The following IL1RAPL1 variants were observed in gnomAD, a reference collection of about 807,000 sequenced individuals.
IL1RAPL1 encodes the protein interleukin 1 receptor accessory protein like 1.
A neutral mutation model predicts 48.4 loss-of-function variants in IL1RAPL1; 3 were observed. That is an observed-to-expected ratio of 0.06 (90% CI 0.03 to 0.16). The LOEUF (loss-of-function observed/expected upper bound fraction) is 0.16, where lower values mean the gene tolerates loss of function less well. Ranked by LOEUF, IL1RAPL1 falls within the 10% of genes least tolerant of loss-of-function variation. The pLI is 1.00. For missense variants in IL1RAPL1, 349 were observed against 530.6 expected (o/e 0.66, Z 3.36); for synonymous variants, 185 against 187.7 (o/e 0.99, Z 0.12).
At chrX:29,878,084 G>C in intron 6 of IL1RAPL1, among the ~76,000 whole-genome samples, 1 of 111,853 alleles carries the variant, frequency 8.9e-6, no homozygotes, top group Non-Finnish European at 1.9e-5. Context: ...TGTAATCATT[G>C]GTCAAGTTTG....
At chrX:29,402,986 G>A (rs991258312) in intron 5 of IL1RAPL1, among the ~76,000 whole-genome samples, 1 of 111,364 alleles carries the variant, frequency 9.0e-6, no homozygotes, top group African/African-American at 3.3e-5. Context: ...CTGAGGTAGT[G>A]TTAGGTAGGT....
At chrX:28,763,011 C>G (rs929779874) in intron 1 of IL1RAPL1, among the ~76,000 whole-genome samples, 1 of 111,282 alleles carries the variant, frequency 9.0e-6, no homozygotes, top group African/African-American at 3.3e-5. Flanking sequence ...AACATTGACA[C>G]AAATAACTCC....
At chrX:28,799,601 G>T (rs1234470227) in intron 2 of IL1RAPL1, among the ~76,000 whole-genome samples, 3 of 112,099 alleles carry the variant, frequency 2.7e-5, no homozygotes, top group Non-Finnish European at 5.6e-5. Context: ...CATGAAAATG[G>T]CATGGTCAAA....
intron 2 of IL1RAPL1, among the ~76,000 whole-genome samples, chrX:29,121,994 G>T (rs1302145140): frequency 9.0e-6 from 1 of 111,459 alleles, no homozygotes; most frequent in Admixed American, 9.6e-5. Context: ...AGATGGAGGG[G>T]TTGGTCACCA....
rs772029231 is a variant in IL1RAPL1 at position 28,731,182 on chromosome X, G to A, written c.-24-58138G>A. Among the ~76,000 whole-genome samples the A allele has an allele frequency of 1.6e-4, 18 of 111,400 alleles. No homozygotes were observed. In the South Asian group the frequency reaches 6.8e-3, roughly 42 times the overall value. ...ACTCTTTTAAAAGAATATCTGTCACGTTCATTTGTCCTTTTTTCATTTTGA... is the reference window on the plus strand; with the variant it reads ...ACTCTTTTAAAAGAATATCTGTCACATTCATTTGTCCTTTTTTCATTTTGA... On this transcript the variant is annotated intron_variant, in intron 1 of 10. Coordinates refer to ENST00000378993, the MANE Select transcript of IL1RAPL1 (RefSeq NM_014271.4).
At chrX:29,215,902 C>A (rs984186280) in intron 2 of IL1RAPL1, among the ~76,000 whole-genome samples, 1 of 111,030 alleles carries the variant, frequency 9.0e-6, no homozygotes, top group African/African-American at 3.3e-5. Flanking sequence ...CCCCCAATCT[C>A]CTGAAAGTTT....
At chrX:29,410,621 A>G (rs1934132320) in intron 5 of IL1RAPL1, among the ~76,000 whole-genome samples, 1 of 111,750 alleles carries the variant, frequency 8.9e-6, no homozygotes, top group Non-Finnish European at 1.9e-5. Context: ...AGTCAATTAG[A>G]CCTCCATTTG....
At chrX:29,801,038 T>C (rs889816669) in intron 6 of IL1RAPL1, among the ~76,000 whole-genome samples, 1 of 1,248 alleles carries the variant, frequency 8.0e-4, no homozygotes, top group Non-Finnish European at 2.1e-3. Context: ...AAAAAAACTC[T>C]CCGTCTCAAA....
chrX:28,629,422 C>T (rs1934375866), intron 1 of IL1RAPL1, among the ~76,000 whole-genome samples: 1 of 111,649 alleles, frequency 9.0e-6, no homozygotes, highest in African/African-American at 3.3e-5. Context: ...ACTGGGGGAC[C>T]TTACTATGTG....
At position 28,638,252 on chromosome X, in the gene IL1RAPL1, G is replaced by A. The variant is rs193224161; in HGVS notation, c.-25+50205G>A. Among the ~76,000 whole-genome samples the A allele has an allele frequency of 6.0e-3, 665 of 111,520 alleles. 5 individuals are homozygous for A. The highest frequency in any genetic ancestry group is 9.0e-3 in the Non-Finnish European group (478 of 53,043). On this transcript the variant is annotated intron_variant, in intron 1 of 10. Coordinates refer to ENST00000378993, the MANE Select transcript of IL1RAPL1 (RefSeq NM_014271.4). ...TGCCTAGTCCAGAATTAAGGACCTG[G>A]AATAGGCTAAACAAGAAAATACAGG...
At chrX:29,498,610 T>C (rs1412057018) in intron 5 of IL1RAPL1, among the ~76,000 whole-genome samples, 2 of 111,584 alleles carry the variant, frequency 1.8e-5, no homozygotes, top group African/African-American at 6.5e-5. Context: ...TCTCTTTAGT[T>C]TTCATCATTT....
intron 2 of IL1RAPL1, among the ~76,000 whole-genome samples, chrX:29,148,154 TATAC>T (rs1929386999): frequency 1.8e-5 from 2 of 112,128 alleles, no homozygotes; most frequent in African/African-American, 6.5e-5. Context: ...TACAGTCATA[TATAC>T]ATACATATAT....
chrX:29,099,256 C>T (rs768740796), intron 2 of IL1RAPL1, among the ~76,000 whole-genome samples: 9 of 111,785 alleles, frequency 8.1e-5, no homozygotes, highest in Non-Finnish European at 1.3e-4. Context: ...TACGATTTAT[C>T]ACATGTATAC....
chrX:29,655,651 C>CAAAAAAAAAA (rs746998144), intron 5 of IL1RAPL1, among the ~76,000 whole-genome samples: 1 of 26,753 alleles, frequency 3.7e-5, no homozygotes, highest in Admixed American at 5.9e-4. Context: ...TGACAGTCTC[C>CAAAAAAAAAA]AAAAAAAAAA....
chrX:29,558,000 G>C (rs914198831), intron 5 of IL1RAPL1, among the ~76,000 whole-genome samples: 3 of 111,540 alleles, frequency 2.7e-5, no homozygotes, highest in Non-Finnish European at 5.7e-5. Flanking sequence ...ATGAACATGG[G>C]AGTGCAGATA....
chrX:28,589,898 T>C (rs1053523130), intron 1 of IL1RAPL1, among the ~76,000 whole-genome samples: 1 of 111,592 alleles, frequency 9.0e-6, no homozygotes, highest in South Asian at 3.8e-4. Flanking sequence ...AAATTACAAA[T>C]TAAATGGCAC....
intron 2 of IL1RAPL1, among the ~76,000 whole-genome samples, chrX:28,968,202 C>T (rs1924967793): frequency 9.0e-6 from 1 of 111,294 alleles, no homozygotes; most frequent in Non-Finnish European, 1.9e-5. Context: ...TTTGGGTATA[C>T]TTAGATTACT....
chrX:28,891,599 C>A (rs1922771346), intron 2 of IL1RAPL1, among the ~76,000 whole-genome samples: 1 of 112,109 alleles, frequency 8.9e-6, no homozygotes. Flanking sequence ...ACACTATAAT[C>A]CAAAGTACTT....
At position 29,263,252 on chromosome X, in the gene IL1RAPL1, G is replaced by C. The variant is rs777557569; in HGVS notation, c.83-19686G>C. ...ATGTGGAAAGCAGGCAGTAAAGAAA[G>C]AATGAAGGACTGATTATTGGACATT... On this transcript the variant is annotated intron_variant, in intron 2 of 10. Coordinates refer to ENST00000378993, the MANE Select transcript of IL1RAPL1 (RefSeq NM_014271.4). 2.7e-5 allele frequency among the ~76,000 whole-genome samples: 3 copies of C among 111,954 alleles called. No homozygotes were observed. The South Asian group carries it at 1.1e-3, about 41-fold the overall frequency.
Sources: allele counts gnomAD v4.1 joint callset (sites outside exome capture counted in the v4.1 genomes callset), GRCh38; gene constraint gnomAD v4.1.1; transcripts MANE v1.5; gene names NCBI Gene and HGNC (gene_info 2026-07-23, HGNC 2026-07-21).